FRMD4B: variants seen among roughly 807,000 people sequenced by gnomAD.
The protein encoded by FRMD4B is FERM domain-containing protein 4B.
Under a neutral mutation model 141.5 loss-of-function variants are expected in FRMD4B, and 74 were observed. That is an observed-to-expected ratio of 0.52 (90% CI 0.43 to 0.63). The LOEUF is 0.63. Among genes scored for constraint, FRMD4B ranks in the 30% least tolerant of loss-of-function variants. The pLI, the probability that FRMD4B is intolerant of heterozygous loss-of-function variation, is 0.00. For missense variants in FRMD4B, 1,366 were observed against 1,253.4 expected (o/e 1.09, Z -1.36); for synonymous variants, 506 against 467.9 (o/e 1.08, Z -1.05).
chr3:69,468,896 A>G (rs1303127028), intron 1 of FRMD4B, among the ~76,000 whole-genome samples: 1 of 152,196 alleles, frequency 6.6e-6, no homozygotes, highest in African/African-American at 2.4e-5. Flanking sequence ...ATTGCTGCTG[A>G]AAATAACCAA....
At position 69,182,606 on chromosome 3, in the gene FRMD4B, G is replaced by A. The variant is rs1252951177; in HGVS notation, c.2031C>T (p.Ser677=). 1.2e-6 allele frequency: 2 copies of A among 1,608,796 alleles called. No homozygotes were observed. Among genetic ancestry groups the A allele is most frequent in the Non-Finnish European group, 1.7e-6 (2 of 1,178,600 alleles). ...GAAAGAAGCTCTCTTACTCCAAGTG[G>A]CTGCTGCTGTAGGCGTTTCGGGTAA... ...PVLTRNAYSS[S]HLEPESSSQH... is the part of the protein sequence containing the mutation. The change falls in exon 20 of 23, where the codon AGC becomes AGT. Residue 677 remains serine (S), a synonymous_variant. Transcript: ENST00000398540.
intron 8 of FRMD4B, among the ~76,000 whole-genome samples, chr3:69,223,605 A>G (rs543684514): frequency 2.7e-4 from 41 of 152,226 alleles, no homozygotes; most frequent in South Asian, 1.5e-3. Context: ...TTGGGAGGTC[A>G]AGGCGGGTAG....
intron 2 of FRMD4B, among the ~76,000 whole-genome samples, chr3:69,406,470 T>C (rs9829137): frequency 0.68 from 102,801 of 152,092 alleles, 34,870 homozygotes; most frequent in East Asian, 0.7. Context: ...CACCAACTGA[T>C]CCTTTAAATA....
In FRMD4B at chr3:69,432,335, CT is replaced by C. The variant is rs904902812; in HGVS notation, c.-1+298del. On this transcript the variant is annotated intron_variant, in intron 2 of 5. Transcript: ENST00000459638. ...TGTCTAAGGCACAGCACAATTAGTA[CT>C]TTTTTTTGTTTATTTTGCTCTGTGG... Among the ~76,000 whole-genome samples, 14 of 152,092 alleles carry C rather than the reference CT, an allele frequency of 9.2e-5. No homozygotes were observed. The South Asian group carries it at 2.3e-3, about 25-fold the overall frequency.
chr3:69,407,374 A>G (rs7648788), intron 2 of FRMD4B, among the ~76,000 whole-genome samples: 7,766 of 152,230 alleles, frequency 0.051, 604 homozygotes, highest in African/African-American at 0.16. Flanking sequence ...TAGTTCCTGG[A>G]TATCTCTCAC....
intron 1 of FRMD4B, among the ~76,000 whole-genome samples, chr3:69,466,860 T>G (rs183045400): frequency 9.3e-4 from 142 of 152,232 alleles, no homozygotes; most frequent in Non-Finnish European, 4.1e-4. Flanking sequence ...CACACCCAGC[T>G]AATTTTTTAT....
chr3:69,368,105 G>A (rs1703719494), intron 1 of FRMD4B, among the ~76,000 whole-genome samples: 1 of 151,716 alleles, frequency 6.6e-6, no homozygotes. Flanking sequence ...ATAATTTATT[G>A]AGTTCTTTTC....
chr3:69,184,143 G>A (rs994617235), intron 19 of FRMD4B, among the ~76,000 whole-genome samples: 3 of 150,862 alleles, frequency 2.0e-5, no homozygotes, highest in Non-Finnish European at 4.4e-5. Flanking sequence ...AACTCCTGAC[G>A]TCAAGTAATC....
intron 19 of FRMD4B, among the ~76,000 whole-genome samples, 154 bp downstream of exon 19, chr3:69,187,616 A>G (rs1371452062): frequency 1.3e-5 from 2 of 150,160 alleles, no homozygotes; most frequent in East Asian, 3.9e-4. Context: ...GTGAACAACA[A>G]ACTGGGTTAG....
chr3:69,279,186 T>C (rs1420811935), intron 5 of FRMD4B, among the ~76,000 whole-genome samples: 1 of 152,174 alleles, frequency 6.6e-6, no homozygotes, highest in African/African-American at 2.4e-5. Flanking sequence ...TTTACGATAA[T>C]GCAGCACTCA....
chr3:69,249,176 G>C (rs1268223198), intron 7 of FRMD4B, 50 bp downstream of exon 7: 1 of 1,154,022 alleles, frequency 8.7e-7, no homozygotes, highest in South Asian at 1.3e-5. Context: ...CACATAAAAT[G>C]ATTCTTTAGG....
intron 1 of FRMD4B, among the ~76,000 whole-genome samples, chr3:69,455,624 C>A (rs374970835): frequency 6.6e-6 from 1 of 152,192 alleles, no homozygotes; most frequent in Non-Finnish European, 1.5e-5. Context: ...CTGTAATGCT[C>A]ACTGCGAGGG....
rs150121415 is a variant in FRMD4B at position 69,453,478 on chromosome 3, T to C, written c.-128-20717A>G. 4.5e-4 allele frequency among the ~76,000 whole-genome samples: 68 copies of C among 152,346 alleles called. No homozygotes were observed. The East Asian group carries it at 9.5e-3, about 21-fold the overall frequency. On this transcript the variant is annotated intron_variant, in intron 1 of 5. Coordinates refer to the FRMD4B transcript ENST00000459638. ...AAAAGCAGATTTCTTGGCTGCATAA[T>C]GCAGCTCTAAATAAATAAAATACAA... is the stretch of plus-strand genomic sequence containing the variant.
intron 2 of FRMD4B, among the ~76,000 whole-genome samples, chr3:69,425,109 T>A (rs567716016): frequency 1.4e-4 from 21 of 152,368 alleles, no homozygotes; most frequent in Admixed American, 7.2e-4. Flanking sequence ...CCATGGTTTT[T>A]CATGGTGTTA....
At chr3:69,268,840 T>A (rs1047857873) in intron 5 of FRMD4B, among the ~76,000 whole-genome samples, 2 of 151,958 alleles carry the variant, frequency 1.3e-5, no homozygotes, top group African/African-American at 4.9e-5. Flanking sequence ...ATTTTTGCTA[T>A]AGGGAATACC....
At chr3:69,522,916 T>G (rs1575599865) in intron 1 of FRMD4B, among the ~76,000 whole-genome samples, 1 of 152,246 alleles carries the variant, frequency 6.6e-6, no homozygotes, top group East Asian at 1.9e-4. Context: ...GTCGAGCTTA[T>G]TAATTCAACA....
At chr3:69,541,070 G>A (rs1701177269) in intron 1 of FRMD4B, 1 of 152,150 alleles carries the variant, frequency 6.6e-6, no homozygotes, top group Non-Finnish European at 1.5e-5. Flanking sequence ...ATTCCCTTTA[G>A]GACGGGAAAC....
chr3:69,461,311 C>T (rs1482596384), intron 1 of FRMD4B, among the ~76,000 whole-genome samples: 1 of 152,122 alleles, frequency 6.6e-6, no homozygotes, highest in Non-Finnish European at 1.5e-5. Flanking sequence ...AATCCCAGCA[C>T]TTTGGAAGGC....
chr3:69,270,142 C>A (rs1036010586), intron 5 of FRMD4B, among the ~76,000 whole-genome samples: 1 of 152,098 alleles, frequency 6.6e-6, no homozygotes, highest in Non-Finnish European at 1.5e-5. Context: ...TGGCCTACGG[C>A]GTAGCCAGGA....
Sources: gnomAD v4.1 joint callset for allele counts (sites outside exome capture counted in the v4.1 genomes callset) on GRCh38, gnomAD v4.1.1 for gene constraint, MANE v1.5 for transcripts, NCBI Gene and HGNC (gene_info 2026-07-23, HGNC 2026-07-21) for gene names.